Variants in PRODH2 observed in about 807,000 individuals in gnomAD.
PRODH2 encodes the protein hydroxyproline dehydrogenase.
A neutral mutation model predicts 51.9 loss-of-function variants in PRODH2; 49 were observed. That is an observed-to-expected ratio of 0.94 (90% CI 0.75 to 1.20). The LOEUF (loss-of-function observed/expected upper bound fraction) is 1.20, where lower values mean the gene tolerates loss of function less well. PRODH2 is among the 50% of genes most tolerant of loss of function. The pLI is 0.00. For synonymous variants in PRODH2, 249 were observed against 260.7 expected (o/e 0.96, Z 0.43); for missense variants, 597 against 610.9 (o/e 0.98, Z 0.24).
chr19:35,803,172 G>A, intron 7 of PRODH2, 94 bp from the exon 8 acceptor site: 1 of 741,276 alleles, frequency 1.3e-6, no homozygotes, highest in East Asian at 2.9e-5. Flanking sequence ...AGGGGTCTCT[G>A]GAACCAGTAC....
Position 35,807,099 on chromosome 19 carries a change from T to C in PRODH2, c.620A>G (p.Asn207Ser). The C allele has an allele frequency of 5.2e-6, 8 of 1,552,532 alleles. No homozygotes were observed. Among genetic ancestry groups the C allele is most frequent in the Non-Finnish European group, 7.0e-6 (8 of 1,147,396 alleles). ...SGQNLQVSCL[N>S]AEQNQHLRAS... Reference sequence around the variant, plus strand: ...CCGGAGGTGCTGGTTCTGCTCAGCATTGAGGCAGGAGACCTGGAGGTTCTA... The same window carrying C: ...CCGGAGGTGCTGGTTCTGCTCAGCACTGAGGCAGGAGACCTGGAGGTTCTA... Residue 207 changes from asparagine to serine, a missense_variant, in exon 5 of 10, where the codon AAT becomes AGT. Transcript: ENST00000653904.
intron 8 of PRODH2, 68 bp downstream of exon 8, chr19:35,802,900 G>A (rs1428503836): frequency 5.2e-6 from 6 of 1,161,428 alleles, no homozygotes; most frequent in Non-Finnish European, 7.3e-6. Flanking sequence ...TCTGGCATTT[G>A]AGCAAAGGAG....
At chr19:35,811,382 G>A (rs1261069229) in intron 4 of PRODH2, among the ~76,000 whole-genome samples, 1 of 136,676 alleles carries the variant, frequency 7.3e-6, no homozygotes. Context: ...GTAAGACAAA[G>A]AGAAAGAGAG....
At chr19:35,808,315 GAAGA>G (rs1338838402) in intron 4 of PRODH2, among the ~76,000 whole-genome samples, 1 of 152,212 alleles carries the variant, frequency 6.6e-6, no homozygotes, top group Non-Finnish European at 1.5e-5. Flanking sequence ...TTGGGAAATG[GAAGA>G]AAGAGGAACA....
chr19:35,801,921 G>A, intron 9 of PRODH2: 1 of 462,266 alleles, frequency 2.2e-6, no homozygotes, highest in Non-Finnish European at 3.9e-6. Context: ...CCTGGCAGAA[G>A]GAAACATTAA....
At chr19:35,810,207 A>C (rs189108664) in intron 4 of PRODH2, among the ~76,000 whole-genome samples, 3,876 of 146,616 alleles carry the variant, frequency 0.026, 153 homozygotes, top group African/African-American at 0.087. Context: ...CGCAGTGAGC[A>C]GAGATTGCGC....
At chr19:35,802,721 GTTT>G (rs547786010) in intron 8 of PRODH2, among the ~76,000 whole-genome samples, 1 of 145,004 alleles carries the variant, frequency 6.9e-6, no homozygotes. Context: ...ACACCCAGCT[GTTT>G]TTTTTTTTTT....
intron 4 of PRODH2, among the ~76,000 whole-genome samples, chr19:35,811,750 C>A (rs1165088094): frequency 6.6e-6 from 1 of 152,194 alleles, no homozygotes; most frequent in Non-Finnish European, 1.5e-5. Context: ...CCCAATCCCT[C>A]CTCTGAGAGC....
At chr19:35,804,751 A>G (rs1972485307) in intron 7 of PRODH2, among the ~76,000 whole-genome samples, 1 of 152,252 alleles carries the variant, frequency 6.6e-6, no homozygotes, top group Non-Finnish European at 1.5e-5. Context: ...AGCCTGGGCA[A>G]CATAGGGAGA....
At chr19:35,800,256 T>A in intron 9 of PRODH2, 34 bp from the exon 10 acceptor site, 1 of 1,508,264 alleles carries the variant, frequency 6.6e-7, no homozygotes, top group Non-Finnish European at 8.9e-7. Flanking sequence ...TTTTCGTTTT[T>A]GGTGTTTTTC....
intron 6 of PRODH2, 26 bp from the exon 7 acceptor site, chr19:35,806,622 G>A: frequency 5.0e-6 from 8 of 1,614,074 alleles, no homozygotes; most frequent in Non-Finnish European, 6.8e-6. Flanking sequence ...GCAGGTTCTG[G>A]TAGGTCAGGG....
Position 35,806,611 on chromosome 19 carries a change from G to A in PRODH2, c.835-15C>T. ...TCGAATGTGTCCTATAGGGCACGCA[G>A]GCAGGTTCTGGTAGGTCAGGGTGTG... On this transcript the variant is annotated splice_polypyrimidine_tract_variant and intron_variant, in intron 6 of 9. Coordinates refer to ENST00000653904, the MANE Select transcript of PRODH2 (RefSeq NM_021232.2). 1.2e-6 allele frequency: 2 copies of A among 1,614,132 alleles called. No individual in the cohort carries two copies. Among genetic ancestry groups the A allele is most frequent in the South Asian group, 1.1e-5 (1 of 91,090 alleles).
At position 35,806,688 on chromosome 19, in the gene PRODH2, T is replaced by C; in HGVS notation, c.821A>G (p.Gln274Arg). Residue 274 changes from glutamine to arginine, a missense_variant, in exon 6 of 10, where the codon CAG becomes CGG. Physicochemically the swap from Gln to Arg is conservative, Grantham distance 43 (BLOSUM62 1). Coordinates refer to ENST00000653904, the MANE Select transcript of PRODH2 (RefSeq NM_021232.2). ...CACACTGCACACCTTTAGACAGGCCTGGTAGGTGTTCCACACCCAGGGCCC... is the reference window on the plus strand; with the variant it reads ...CACACTGCACACCTTTAGACAGGCCCGGTAGGTGTTCCACACCCAGGGCCC... ...EGGPWVWNTY[Q>R]ACLKDTFERL... The C allele has an allele frequency of 6.2e-7, 1 of 1,614,122 alleles. No individual in the cohort carries two copies. Among genetic ancestry groups the C allele is most frequent in the Non-Finnish European group, 8.5e-7 (1 of 1,179,996 alleles).
Position 35,812,234 on chromosome 19 carries a change from C to T in PRODH2, c.410G>A (p.Arg137Gln), listed in dbSNP as rs527312733. ...GAGGCCCCGTGACAGGTCCACACACCGCAGCATAGCACCGAGGTTCCCCTC... is the reference window on the plus strand; with the variant it reads ...GAGGCCCCGTGACAGGTCCACACACTGCAGCATAGCACCGAGGTTCCCCTC... ...WYEGNLGAML[R>Q]CVDLSRGLLE... Residue 137 changes from arginine (R) to glutamine (Q), a missense_variant, in exon 3 of 10, where the codon CGG (arginine) becomes CAG (glutamine). Arg to Gln is a conservative substitution (Grantham distance 43). Coordinates refer to ENST00000653904, the MANE Select transcript of PRODH2 (RefSeq NM_021232.2). The T allele has an allele frequency of 2.0e-5, 32 of 1,613,860 alleles. 1 individual carries two copies. Among genetic ancestry groups the T allele is most frequent in the South Asian group, 8.8e-5 (8 of 91,088 alleles).
intron 7 of PRODH2, among the ~76,000 whole-genome samples, chr19:35,804,403 C>T (rs971099405): frequency 6.6e-6 from 1 of 152,178 alleles, no homozygotes; most frequent in Non-Finnish European, 1.5e-5. Flanking sequence ...TAGTTAAAAC[C>T]CTTTGTGCAG....
In PRODH2 at chr19:35,811,827, G is replaced by A. The variant is rs1599825036; in HGVS notation, c.597+135C>T. 4.8e-6 allele frequency: 4 copies of A among 838,734 alleles called. No homozygotes were observed. In the East Asian group the frequency reaches 8.1e-5, roughly 17 times the overall value. 52.0% of individuals were successfully genotyped at this position (838,734 alleles called of 1,614,324 possible). The stretch of plus-strand genomic sequence containing the variant: ...GATTCCATCCATTTCAACCATGCCT[G>A]GGAGCTACAGCTGCACTTCTGCTGG... On this transcript the variant is annotated intron_variant, in intron 4 of 9. Coordinates refer to ENST00000653904, the MANE Select transcript of PRODH2 (RefSeq NM_021232.2).
At chr19:35,807,355 T>G (rs1972530577) in intron 4 of PRODH2, among the ~76,000 whole-genome samples, 1 of 152,074 alleles carries the variant, frequency 6.6e-6, no homozygotes, top group Non-Finnish European at 1.5e-5. Flanking sequence ...CAGGCTGGAG[T>G]GCAGTGGCAT....
rs767706642 is a variant in PRODH2 at position 35,806,763 on chromosome 19, G to A, written c.746C>T (p.Ser249Leu). ...CACAGCCAGGGCAGCCACCAGCAGCGAGAGCGCAGGGTTCAGTGAGGTGTA... is the reference window on the plus strand; with the variant it reads ...CACAGCCAGGGCAGCCACCAGCAGCAAGAGCGCAGGGTTCAGTGAGGTGTA... ...AEYTSLNPALSLLVAALAVRW... is the reference protein window; with the variant it reads ...AEYTSLNPALLLLVAALAVRW... The change falls in exon 6 of 10, where the codon TCG becomes TTG. Residue 249 changes from serine to leucine, a missense_variant. By Grantham distance (145) the Ser-to-Leu change is moderately radical. Coordinates refer to ENST00000653904, the MANE Select transcript of PRODH2 (RefSeq NM_021232.2). The A allele has an allele frequency of 2.5e-6, 4 of 1,613,670 alleles. No individual in the cohort carries two copies. Among genetic ancestry groups the A allele is most frequent in the East Asian group, 4.5e-5 (2 of 44,852 alleles).
At chr19:35,801,336 G>A (rs1165282394) in intron 9 of PRODH2, among the ~76,000 whole-genome samples, 1 of 151,982 alleles carries the variant, frequency 6.6e-6, no homozygotes, top group Non-Finnish European at 1.5e-5. Context: ...CGTGGTGGCA[G>A]CCGTCTGTAA....
Sources: gnomAD v4.1 joint callset for allele counts (sites outside exome capture counted in the v4.1 genomes callset) on GRCh38, gnomAD v4.1.1 for gene constraint, MANE v1.5 for transcripts, NCBI Gene and HGNC (gene_info 2026-07-23, HGNC 2026-07-21) for gene names.